The following TLK2 variants were observed in gnomAD, a reference collection of about 807,000 sequenced individuals.
TLK2 encodes the protein serine/threonine-protein kinase tousled-like 2.
TLK2 carries 6 observed loss-of-function variants against 117.3 expected under a neutral mutation model. The observed-to-expected ratio is 0.05, with a 90% CI of 0.03 to 0.10. The LOEUF (loss-of-function observed/expected upper bound fraction) is 0.10. TLK2 is among the 10% of genes least tolerant of loss of function. TLK2 has a pLI of 1.00. For missense variants in TLK2, 299 were observed against 901.2 expected, an observed-to-expected ratio of 0.33 and a Z score of 8.56; for synonymous variants, 257 against 316.7, an observed-to-expected ratio of 0.81 and a Z score of 2.00.
intron 20 of TLK2, among the ~76,000 whole-genome samples, chr17:62,606,866 T>G (rs148589431): frequency 6.6e-6 from 1 of 152,182 alleles, no homozygotes; most frequent in Admixed American, 6.5e-5. Flanking sequence ...TTTTGTGTGT[T>G]TGTTTGTTTC....
intron 19 of TLK2, among the ~76,000 whole-genome samples, chr17:62,604,868 CA>C (rs750239129): frequency 1.3e-3 from 182 of 136,558 alleles, no homozygotes; most frequent in East Asian, 1.7e-3. Flanking sequence ...GACTCTGTCT[CA>C]AAAAAAAAAA....
intron 2 of TLK2, among the ~76,000 whole-genome samples, chr17:62,504,646 A>T (rs961878410): frequency 1.1e-4 from 17 of 151,980 alleles, no homozygotes; most frequent in African/African-American, 4.1e-4. Context: ...TCTACCAAAA[A>T]ATTAAATTAA....
chr17:62,556,740 A>G (rs779414405), intron 9 of TLK2, among the ~76,000 whole-genome samples: 4 of 151,824 alleles, frequency 2.6e-5, no homozygotes, highest in Non-Finnish European at 5.9e-5. Flanking sequence ...ATGTCTAACT[A>G]TGCTTTTATC....
At chr17:62,521,368 C>T (rs1166707659) in intron 3 of TLK2, among the ~76,000 whole-genome samples, 1 of 152,088 alleles carries the variant, frequency 6.6e-6, no homozygotes, top group Non-Finnish European at 1.5e-5. Flanking sequence ...AATATTGTTC[C>T]TGTTTAAATG....
At chr17:62,507,009 T>G (rs1195336295) in intron 2 of TLK2, among the ~76,000 whole-genome samples, 1 of 152,256 alleles carries the variant, frequency 6.6e-6, no homozygotes, top group Non-Finnish European at 1.5e-5. Context: ...TTTTGGAGAT[T>G]TACTAGGTAG....
intron 2 of TLK2, among the ~76,000 whole-genome samples, chr17:62,487,018 G>A (rs1442986174): frequency 6.6e-6 from 1 of 152,220 alleles, no homozygotes; most frequent in African/African-American, 2.4e-5. Context: ...TGCAGGCTGG[G>A]CGCAGTGGCT....
chr17:62,549,398 C>CAAAAAAAAAAAA (rs777779302), intron 7 of TLK2, among the ~76,000 whole-genome samples: 1 of 37,122 alleles, frequency 2.7e-5, no homozygotes, highest in African/African-American at 1.0e-4. Flanking sequence ...GACTCCATCT[C>CAAAAAAAAAAAA]AAAAAAAAAA....
chr17:62,596,519 G>T, intron 16 of TLK2, 66 bp from the exon 17 acceptor site: 1 of 1,146,148 alleles, frequency 8.7e-7, no homozygotes, highest in Non-Finnish European at 1.3e-6. Flanking sequence ...TATTTAGGAG[G>T]ATCTTTGAAG....
intron 2 of TLK2, among the ~76,000 whole-genome samples, chr17:62,485,134 C>T (rs1250969091): frequency 3.3e-5 from 5 of 152,188 alleles, no homozygotes; most frequent in African/African-American, 1.2e-4. Flanking sequence ...AATAAGAGAG[C>T]AGAGTGACTT....
intron 9 of TLK2, among the ~76,000 whole-genome samples, chr17:62,554,965 A>G (rs1204028813): frequency 6.7e-6 from 1 of 148,784 alleles, no homozygotes; most frequent in African/African-American, 2.6e-5. Context: ...AACATTTGGT[A>G]CATTTTTTTT....
At chr17:62,528,692 C>T (rs148942600) in intron 6 of TLK2, among the ~76,000 whole-genome samples, 206 of 152,294 alleles carry the variant, frequency 1.4e-3, no homozygotes, top group African/African-American at 4.7e-3. Context: ...GCTGGAATTA[C>T]AGGCGTGAGC....
chr17:62,582,875 C>T (rs772742300), intron 15 of TLK2, among the ~76,000 whole-genome samples: 5 of 152,192 alleles, frequency 3.3e-5, no homozygotes, highest in Non-Finnish European at 5.9e-5. Flanking sequence ...GAAGTGGACT[C>T]ATACTACGTC....
At chr17:62,527,699 T>C (rs2076464291) in intron 6 of TLK2, among the ~76,000 whole-genome samples, 1 of 152,136 alleles carries the variant, frequency 6.6e-6, no homozygotes, top group Non-Finnish European at 1.5e-5. Context: ...AATTTATATA[T>C]TTTAATTTTG....
intron 16 of TLK2, among the ~76,000 whole-genome samples, chr17:62,594,155 C>T (rs2082283548): frequency 6.6e-6 from 1 of 151,976 alleles, no homozygotes; most frequent in Non-Finnish European, 1.5e-5. Context: ...TGCCTGTAAT[C>T]CCAGCACTTT....
At chr17:62,535,229 T>A (rs143800266) in intron 6 of TLK2, among the ~76,000 whole-genome samples, 5,883 of 152,192 alleles carry the variant, frequency 0.039, 228 homozygotes, top group South Asian at 0.2. Flanking sequence ...GTGTGTATCC[T>A]TTTTGGTATC....
intron 19 of TLK2, 53 bp from the exon 20 acceptor site, chr17:62,606,077 C>A: frequency 3.0e-6 from 2 of 676,488 alleles, no homozygotes; most frequent in Non-Finnish European, 4.6e-6. Flanking sequence ...TTGTACATGT[C>A]TTAAACTTAT....
intron 1 of TLK2, among the ~76,000 whole-genome samples, chr17:62,479,751 C>T (rs907788845): frequency 1.3e-5 from 2 of 152,212 alleles, no homozygotes; most frequent in Non-Finnish European, 2.9e-5. Context: ...GTGGCTATTT[C>T]CTTAACATGA....
chr17:62,531,256 G>A (rs752874026), intron 6 of TLK2, among the ~76,000 whole-genome samples: 1 of 134,500 alleles, frequency 7.4e-6, no homozygotes, highest in African/African-American at 2.7e-5. Flanking sequence ...CATGGCTTTT[G>A]ACTTTTTTTG....
chr17:62,530,534 T>A (rs1231268681), intron 6 of TLK2, among the ~76,000 whole-genome samples: 2 of 152,208 alleles, frequency 1.3e-5, no homozygotes, highest in African/African-American at 4.8e-5. Flanking sequence ...AGTTGTATCT[T>A]CATCCTCTAC....
Sources: allele counts gnomAD v4.1 joint callset (sites outside exome capture counted in the v4.1 genomes callset), GRCh38; gene constraint gnomAD v4.1.1; transcripts MANE v1.5; gene names NCBI Gene and HGNC (gene_info 2026-07-23, HGNC 2026-07-21).